PTPRM: variants seen among roughly 807,000 people sequenced by gnomAD.
PTPRM encodes the protein receptor-type tyrosine-protein phosphatase mu.
Under a neutral mutation model 186.7 loss-of-function variants are expected in PTPRM, and 47 were observed. The ratio of observed to expected loss-of-function variants is 0.25; its 90% CI spans 0.20 to 0.32. The LOEUF is 0.32. Ranked by LOEUF, PTPRM falls within the 10% of genes least tolerant of loss-of-function variation. The pLI is 1.00. For missense variants in PTPRM, 1,494 were observed against 1,865.0 expected, an observed-to-expected ratio of 0.80 and a Z score of 3.66; for synonymous variants, 668 against 674.9, an observed-to-expected ratio of 0.99 and a Z score of 0.16.
At chr18:8,057,425 C>CTTTTTTTTTTTTTTTTTTTTTTTCTT (rs763829289) in intron 7 of PTPRM, among the ~76,000 whole-genome samples, 1 of 102,562 alleles carries the variant, frequency 9.8e-6, no homozygotes, top group African/African-American at 4.3e-5. Context: ...TGTGATACTT[C>CTTTTTTTTTTTTTTTTTTTTTTTCTT]TTTTTTTTTT....
Position 8,212,910 on chromosome 18 carries a change from G to C in PTPRM, c.2301-31148G>C, listed in dbSNP as rs189478426. Among the ~76,000 whole-genome samples the C allele has an allele frequency of 3.3e-3, 508 of 152,266 alleles. 1 individual carries two copies. The highest frequency in any genetic ancestry group is 0.012 in the African/African-American group (490 of 41,570). ...GTCTCCATTCCAATTTCCTTCTTCA[G>C]ATCTTATGAACATTCTTCCTAGCCA... On this transcript the variant is annotated intron_variant, in intron 14 of 32. Transcript: ENST00000580170.
intron 4 of PTPRM, among the ~76,000 whole-genome samples, chr18:7,922,364 C>T (rs2050916237): frequency 6.6e-6 from 1 of 152,282 alleles, no homozygotes; most frequent in Admixed American, 6.5e-5. Flanking sequence ...TTTTCTCTGT[C>T]CTTAGGGATA....
In PTPRM at chr18:8,123,067, A is replaced by G. The variant is rs559638413; in HGVS notation, c.2167+8240A>G. ...CCTCTAAAGCCTTATAGACATCTCT[A>G]TACATTCATATAGGAAAAGAGTCCA... On this transcript the variant is annotated intron_variant, in intron 13 of 32. Transcript: ENST00000580170. Among the ~76,000 whole-genome samples, 9 of 152,324 alleles carry G rather than the reference A, an allele frequency of 5.9e-5. 1 individual carries two copies. Among genetic ancestry groups the G allele is most frequent in the African/African-American group, 2.2e-4 (9 of 41,588 alleles).
chr18:7,924,418 T>C (rs1030458522), intron 4 of PTPRM, among the ~76,000 whole-genome samples: 3 of 152,242 alleles, frequency 2.0e-5, no homozygotes, highest in Non-Finnish European at 4.4e-5. Flanking sequence ...TTCTAATATA[T>C]TCCTATTAAT....
At chr18:7,577,805 C>T (rs2036729293) in intron 1 of PTPRM, among the ~76,000 whole-genome samples, 1 of 152,138 alleles carries the variant, frequency 6.6e-6, no homozygotes, top group African/African-American at 2.4e-5. Context: ...TCCCTCGTCT[C>T]TCTGTCTGTC....
At chr18:8,354,594 C>G (rs949337579) in intron 23 of PTPRM, among the ~76,000 whole-genome samples, 8 of 144,708 alleles carry the variant, frequency 5.5e-5, no homozygotes, top group African/African-American at 2.0e-4. Context: ...ACCCTGAGTA[C>G]ATTTAAAGAT....
At chr18:7,939,275 A>G in intron 5 of PTPRM, among the ~76,000 whole-genome samples, 1 of 143,862 alleles carries the variant, frequency 7.0e-6, no homozygotes, top group East Asian at 1.9e-4. Context: ...ACTGGCTCAG[A>G]GCTCCCTGCC....
chr18:8,076,486 A>G lies in PTPRM; in HGVS notation c.1473A>G (p.Gln491=). 2 of 1,610,030 alleles carry G rather than the reference A, an allele frequency of 1.2e-6. No homozygotes were observed. The highest frequency in any genetic ancestry group is 1.7e-6 in the Non-Finnish European group (2 of 1,176,996). Residue 491 remains glutamine, a synonymous_variant, in exon 9 of 33, where the codon CAA becomes CAG. Transcript: ENST00000580170. ...LPGAVPTESI[Q]GSTFEEKIFL... Reference sequence around the variant, plus strand: ...GTGCTGTTCCCACTGAATCCATACAAGGAAGTACCTTTGAAGAGAAGATAT... The same window carrying G: ...GTGCTGTTCCCACTGAATCCATACAGGGAAGTACCTTTGAAGAGAAGATAT...
intron 1 of PTPRM, among the ~76,000 whole-genome samples, chr18:7,600,189 T>C (rs1013647335): frequency 6.6e-6 from 1 of 152,168 alleles, no homozygotes; most frequent in Non-Finnish European, 1.5e-5. Context: ...AGATGCCTCA[T>C]GTGTAGAGCG....
intron 7 of PTPRM, among the ~76,000 whole-genome samples, chr18:8,026,819 C>T (rs566472220): frequency 4.6e-5 from 7 of 151,378 alleles, no homozygotes; most frequent in East Asian, 2.0e-4. Flanking sequence ...GATTGTGCCA[C>T]GGCACTCCAG....
chr18:7,868,936 G>C (rs1309347967), intron 2 of PTPRM, among the ~76,000 whole-genome samples: 1 of 152,218 alleles, frequency 6.6e-6, no homozygotes, highest in Non-Finnish European at 1.5e-5. Flanking sequence ...GGCTACAGCA[G>C]CTTTGCAGAG....
intron 7 of PTPRM, among the ~76,000 whole-genome samples, chr18:8,028,965 T>C (rs910986117): frequency 6.6e-6 from 1 of 152,212 alleles, no homozygotes; most frequent in East Asian, 1.9e-4. Context: ...CTAATCCCAC[T>C]GAATCCCTCA....
chr18:8,354,212 T>TAAAAA (rs3049398), intron 23 of PTPRM, among the ~76,000 whole-genome samples: 1 of 143,966 alleles, frequency 6.9e-6, no homozygotes. Flanking sequence ...GATTCCGTCT[T>TAAAAA]AAAAAAAAAA....
Position 7,805,616 on chromosome 18 carries a change from CT to C in PTPRM, c.196+31347del, listed in dbSNP as rs776436417. On this transcript the variant is annotated intron_variant, in intron 2 of 32. Transcript: ENST00000580170. The stretch of plus-strand genomic sequence containing the variant: ...TGGTGATTGTATTATTTACTCAATA[CT>C]TACTTGTTCTGTGTGCAGCTGTCTT... Among the ~76,000 whole-genome samples, 11 of 152,164 alleles carry C rather than the reference CT, an allele frequency of 7.2e-5. 1 individual carries two copies. The highest frequency in any genetic ancestry group is 4.6e-4 in the Admixed American group (7 of 15,278).
At chr18:8,199,803 C>G (rs977974729) in intron 14 of PTPRM, among the ~76,000 whole-genome samples, 1 of 152,068 alleles carries the variant, frequency 6.6e-6, no homozygotes, top group Non-Finnish European at 1.5e-5. Context: ...CCAAAGAGTG[C>G]GTTTTGTTCC....
chr18:7,999,445 G>A lies in PTPRM; in HGVS notation c.1132+44031G>A, dbSNP rs113348881. 7.9e-3 allele frequency among the ~76,000 whole-genome samples: 1,207 copies of A among 152,166 alleles called. 20 individuals carry two copies. The highest frequency in any genetic ancestry group is 0.027 in the African/African-American group (1,132 of 41,534). On this transcript the variant is annotated intron_variant, in intron 7 of 32. Transcript: ENST00000580170. ...ATGATAGTATCAGTATAGGCTAGGT[G>A]ATTGGGGTGAGTCCTTTGAGAAAGC...
At chr18:8,302,695 AC>A (rs2095172541) in intron 20 of PTPRM, among the ~76,000 whole-genome samples, 1 of 152,078 alleles carries the variant, frequency 6.6e-6, no homozygotes, top group Non-Finnish European at 1.5e-5. Flanking sequence ...GGTGAGGAAG[AC>A]AGAAGAGCCA....
chr18:7,758,556 T>G (rs2041617680), intron 1 of PTPRM, among the ~76,000 whole-genome samples: 1 of 152,128 alleles, frequency 6.6e-6, no homozygotes, highest in Admixed American at 6.6e-5. Context: ...TGTAATAGGA[T>G]TTTTTTGGAA....
At chr18:7,705,808 C>T (rs1175566010) in intron 1 of PTPRM, among the ~76,000 whole-genome samples, 2 of 151,644 alleles carry the variant, frequency 1.3e-5, no homozygotes, top group Non-Finnish European at 2.9e-5. Flanking sequence ...GTCCTCCTGC[C>T]TCAGCCTCCT....
Sources: allele counts gnomAD v4.1 joint callset (sites outside exome capture counted in the v4.1 genomes callset), GRCh38; gene constraint gnomAD v4.1.1; transcripts MANE v1.5; gene names NCBI Gene and HGNC (gene_info 2026-07-23, HGNC 2026-07-21).